The following GRAMD1B variants were observed in gnomAD, a reference collection of about 807,000 sequenced individuals.
GRAMD1B encodes the protein protein Aster-B.
A neutral mutation model predicts 99.7 loss-of-function variants in GRAMD1B; 37 were observed. The observed-to-expected ratio is 0.37, with a 90% confidence interval of 0.29 to 0.49. GRAMD1B has a LOEUF of 0.49. GRAMD1B is among the 20% of genes least tolerant of loss of function. GRAMD1B has a pLI of 0.98. For missense variants in GRAMD1B, 888 were observed against 1,009.2 expected (o/e 0.88, Z 1.63); for synonymous variants, 427 against 387.6 (o/e 1.10, Z -1.19).
Position 123,433,679 on chromosome 11 carries a change from CGTGTGTGT to C in GRAMD1B, c.374+2540_374+2547del, listed in dbSNP as rs59262021. On this transcript the variant is annotated intron_variant, in intron 1 of 19. Transcript: ENST00000635736. The stretch of plus-strand genomic sequence containing the variant: ...CCCCCAACGCTTAAAATGTTACGTG[CGTGTGTGT>C]GTGTGTGTGTGTGTGTGTGTGTGTG... Among the ~76,000 whole-genome samples, 409 of 143,016 alleles carry C rather than the reference CGTGTGTGT, an allele frequency of 2.9e-3. 1 individual carries two copies. Among genetic ancestry groups the C allele is most frequent in the African/African-American group, 8.3e-3 (329 of 39,640 alleles). The allele number at this position is 143,016 out of a possible 152,430, so 93.8% of individuals were successfully genotyped here.
chr11:123,372,317 A>T (rs183178856), intron 1 of GRAMD1B, among the ~76,000 whole-genome samples: 31 of 152,312 alleles, frequency 2.0e-4, no homozygotes, highest in African/African-American at 7.2e-4. Context: ...CTTAACCTTT[A>T]TATGTTCCTG....
chr11:123,526,753 GCAAGTGCCTGTTC>G (rs1288331726), intron 2 of GRAMD1B, among the ~76,000 whole-genome samples: 4 of 152,196 alleles, frequency 2.6e-5, no homozygotes, highest in Non-Finnish European at 5.9e-5. Context: ...TTGGGCCTTT[GCAAGTGCCTGTTC>G]CTGGGCTTAA....
chr11:123,573,927 G>T (rs1010682243), intron 2 of GRAMD1B, among the ~76,000 whole-genome samples: 1 of 152,198 alleles, frequency 6.6e-6, no homozygotes, highest in Non-Finnish European at 1.5e-5. Context: ...GTCGTGTGGG[G>T]CGTGCAGAGG....
chr11:123,425,232 T>C (rs1424029881), intron 1 of GRAMD1B, among the ~76,000 whole-genome samples: 1 of 152,202 alleles, frequency 6.6e-6, no homozygotes, highest in African/African-American at 2.4e-5. Context: ...ACTCAATCAC[T>C]AGTCGGTAGT....
chr11:123,556,544 G>C (rs1171711028), intron 2 of GRAMD1B, among the ~76,000 whole-genome samples: 2 of 152,308 alleles, frequency 1.3e-5, no homozygotes, highest in South Asian at 4.1e-4. Context: ...ATCTAGGGTG[G>C]TCTCTGGAAA....
At chr11:123,488,299 T>A (rs1027730690) in intron 2 of GRAMD1B, among the ~76,000 whole-genome samples, 7 of 152,138 alleles carry the variant, frequency 4.6e-5, no homozygotes, top group South Asian at 4.1e-4. Flanking sequence ...AGCTCCCAAA[T>A]ATTCTTGTGA....
intron 1 of GRAMD1B, among the ~76,000 whole-genome samples, chr11:123,445,863 C>T (rs1316479988): frequency 1.3e-5 from 2 of 151,310 alleles, no homozygotes; most frequent in Admixed American, 6.6e-5. Flanking sequence ...AAAAACAACC[C>T]CAGGAAAGAG....
At chr11:123,530,580 C>A (rs1473129807) in intron 2 of GRAMD1B, among the ~76,000 whole-genome samples, 1 of 152,166 alleles carries the variant, frequency 6.6e-6, no homozygotes, top group Non-Finnish European at 1.5e-5. Context: ...GGGGTTTCAC[C>A]ATGTTGGCCA....
rs146795296 is a variant in GRAMD1B, at chr11:123,453,517, A to G, written c.374+22351A>G. ...TTTTTAGTAGAGACGGGGTTTCGCC[A>G]TGTTGGGCAGGCTGGTCTTGAACTC... On this transcript the variant is annotated intron_variant, in intron 1 of 19. Coordinates refer to ENST00000635736, the MANE Select transcript of GRAMD1B (RefSeq NM_001387025.1). Among the ~76,000 whole-genome samples, 1,480 of 152,156 alleles carry G rather than the reference A, an allele frequency of 9.7e-3. 25 individuals carry two copies. The highest frequency in any genetic ancestry group is 0.033 in the African/African-American group (1,368 of 41,500).
At chr11:123,476,593 A>C (rs1951289897) in intron 1 of GRAMD1B, among the ~76,000 whole-genome samples, 1 of 152,160 alleles carries the variant, frequency 6.6e-6, no homozygotes. Context: ...TTTCCAACAG[A>C]GGTGTCCACC....
At chr11:123,621,283 A>T (rs1955087946) in intron 19 of GRAMD1B, among the ~76,000 whole-genome samples, 1 of 152,184 alleles carries the variant, frequency 6.6e-6, no homozygotes, top group Admixed American at 6.5e-5. Flanking sequence ...CAGTATGTAA[A>T]TATGTGAATA....
At chr11:123,358,584 C>A (rs531590802) in exon 1 of GRAMD1B, 93 of 152,214 alleles carry the variant, frequency 6.1e-4, no homozygotes, top group African/African-American at 1.9e-3. Context: ...TGCGTGGAGC[C>A]GGGCTCCAGC....
At chr11:123,450,374 C>A (rs1247543647) in intron 1 of GRAMD1B, among the ~76,000 whole-genome samples, 1 of 152,080 alleles carries the variant, frequency 6.6e-6, no homozygotes, top group Non-Finnish European at 1.5e-5. Context: ...ACCTTTTTTC[C>A]CCAACTAACT....
At chr11:123,435,137 CCT>C (rs1372728305) in intron 1 of GRAMD1B, among the ~76,000 whole-genome samples, 7 of 152,180 alleles carry the variant, frequency 4.6e-5, no homozygotes, top group African/African-American at 1.7e-4. Context: ...ACCTGAGCCT[CCT>C]CACACAATTC....
At chr11:123,557,616 A>G (rs1317961423) in intron 2 of GRAMD1B, among the ~76,000 whole-genome samples, 1 of 152,244 alleles carries the variant, frequency 6.6e-6, no homozygotes, top group Non-Finnish European at 1.5e-5. Flanking sequence ...GCATGTATTT[A>G]CATCATTTAA....
At chr11:123,372,411 G>A (rs1946559005) in intron 1 of GRAMD1B, among the ~76,000 whole-genome samples, 1 of 152,154 alleles carries the variant, frequency 6.6e-6, no homozygotes, top group South Asian at 2.1e-4. Context: ...CACTCATCCA[G>A]GTTCAGAAAA....
chr11:123,602,381 T>G (rs1952097481), intron 8 of GRAMD1B, among the ~76,000 whole-genome samples: 1 of 152,040 alleles, frequency 6.6e-6, no homozygotes, highest in Admixed American at 6.6e-5. Context: ...TTTTAAATTT[T>G]TTTATTATAC....
intron 1 of GRAMD1B, among the ~76,000 whole-genome samples, chr11:123,417,719 T>A: frequency 6.6e-6 from 1 of 152,092 alleles, no homozygotes; most frequent in East Asian, 1.9e-4. Context: ...GGCGGGTCAC[T>A]TGAGGTCAGG....
rs192121288 is a variant in GRAMD1B, at chr11:123,419,180, C to G, written c.-176+60381C>G. 2.0e-4 allele frequency among the ~76,000 whole-genome samples: 31 copies of G among 152,286 alleles called. No individual in the cohort carries two copies. The East Asian group carries it at 5.8e-3, about 28-fold the overall frequency. On this transcript the variant is annotated intron_variant, in intron 1 of 20. Coordinates refer to the GRAMD1B transcript ENST00000638157. Reference sequence around the variant, plus strand: ...AGCAAGAGCAGACAGAGACTTGCTACATATAGAACTTGGGAACTGTGGAAT... The same window carrying G: ...AGCAAGAGCAGACAGAGACTTGCTAGATATAGAACTTGGGAACTGTGGAAT...
Sources: allele counts gnomAD v4.1 joint callset (sites outside exome capture counted in the v4.1 genomes callset), GRCh38; gene constraint gnomAD v4.1.1; transcripts MANE v1.5; gene names NCBI Gene and HGNC (gene_info 2026-07-23, HGNC 2026-07-21).